MAGI2: variants seen among roughly 807,000 people sequenced by gnomAD.
MAGI2 encodes the protein membrane associated guanylate kinase, WW and PDZ domain containing 2.
A neutral mutation model predicts 133.3 loss-of-function variants in MAGI2; 35 were observed. The observed-to-expected ratio is 0.26, with a 90% CI of 0.20 to 0.35. The LOEUF (loss-of-function observed/expected upper bound fraction) is 0.35. MAGI2 is among the 10% of genes least tolerant of loss of function. The pLI, the probability that MAGI2 is intolerant of heterozygous loss-of-function variation, is 1.00. For missense variants in MAGI2, 1,636 were observed against 1,863.4 expected, an observed-to-expected ratio of 0.88 and a Z score of 2.25; for synonymous variants, 729 against 710.6, an observed-to-expected ratio of 1.03 and a Z score of -0.41.
At chr7:78,609,403 CA>C (rs1235084339) in intron 3 of MAGI2, among the ~76,000 whole-genome samples, 1 of 152,122 alleles carries the variant, frequency 6.6e-6, no homozygotes, top group Non-Finnish European at 1.5e-5. Flanking sequence ...ATCCCCAACC[CA>C]AATACTATTA....
intron 2 of MAGI2, among the ~76,000 whole-genome samples, chr7:78,634,387 T>G (rs753756546): frequency 9.9e-5 from 15 of 152,202 alleles, no homozygotes; most frequent in Non-Finnish European, 2.1e-4. Context: ...GCATAGCACC[T>G]ACAAGAGTCA....
chr7:78,363,770 T>A (rs1793092431), intron 7 of MAGI2, among the ~76,000 whole-genome samples: 1 of 152,116 alleles, frequency 6.6e-6, no homozygotes, highest in South Asian at 2.1e-4. Context: ...CTATGTTAAG[T>A]GCTAAATACC....
At chr7:79,423,054 G>C (rs571345790) in intron 1 of MAGI2, among the ~76,000 whole-genome samples, 5 of 152,004 alleles carry the variant, frequency 3.3e-5, no homozygotes, top group African/African-American at 1.2e-4. Flanking sequence ...TTACATGGCT[G>C]CCCAATTAAA....
chr7:78,837,684 A>G (rs1478168141), intron 2 of MAGI2, among the ~76,000 whole-genome samples: 1 of 152,200 alleles, frequency 6.6e-6, no homozygotes, highest in Admixed American at 6.6e-5. Flanking sequence ...AATATTTTAA[A>G]TGTAAAACGC....
At chr7:78,962,825 A>G (rs1213211616) in intron 2 of MAGI2, among the ~76,000 whole-genome samples, 1 of 95,886 alleles carries the variant, frequency 1.0e-5, no homozygotes, top group Non-Finnish European at 2.1e-5. Context: ...CTTTGTTCTA[A>G]TTATCAAATT....
At chr7:78,309,604 C>G (rs543654488) in intron 9 of MAGI2, among the ~76,000 whole-genome samples, 1 of 150,688 alleles carries the variant, frequency 6.6e-6, no homozygotes, top group Non-Finnish European at 1.5e-5. Flanking sequence ...AATCATATAC[C>G]CCAAACGTCA....
At chr7:78,458,780 G>A (rs901148878) in intron 6 of MAGI2, among the ~76,000 whole-genome samples, 34 of 151,968 alleles carry the variant, frequency 2.2e-4, no homozygotes, top group African/African-American at 7.2e-4. Flanking sequence ...GACTACAGGC[G>A]CCCACCACCA....
intron 6 of MAGI2, among the ~76,000 whole-genome samples, chr7:78,407,484 C>G (rs1010299801): frequency 6.6e-6 from 1 of 151,870 alleles, no homozygotes; most frequent in Non-Finnish European, 1.5e-5. Flanking sequence ...ATGGATCTCA[C>G]AATATTACAG....
chr7:79,064,597 C>T (rs968654674), intron 1 of MAGI2, among the ~76,000 whole-genome samples: 1 of 152,086 alleles, frequency 6.6e-6, no homozygotes, highest in African/African-American at 2.4e-5. Flanking sequence ...CCCTACAAGT[C>T]TGTGCATAAC....
At chr7:78,955,649 C>A (rs1352814284) in intron 2 of MAGI2, among the ~76,000 whole-genome samples, 1 of 149,196 alleles carries the variant, frequency 6.7e-6, no homozygotes, top group Non-Finnish European at 1.5e-5. Context: ...TTTTCTCTCT[C>A]TCTCTCCCTT....
chr7:79,329,841 G>T (rs1839938708), intron 1 of MAGI2, among the ~76,000 whole-genome samples: 1 of 152,126 alleles, frequency 6.6e-6, no homozygotes, highest in Admixed American at 6.6e-5. Context: ...ATAATAAACA[G>T]CAATCTAGCA....
chr7:79,103,860 T>C (rs1006798505), intron 1 of MAGI2, among the ~76,000 whole-genome samples: 3 of 79,526 alleles, frequency 3.8e-5, no homozygotes, highest in Admixed American at 1.1e-4. Flanking sequence ...CCACCACACC[T>C]GGCTAATTTT....
chr7:78,780,955 G>A (rs1826347407), intron 2 of MAGI2, among the ~76,000 whole-genome samples: 1 of 152,214 alleles, frequency 6.6e-6, no homozygotes, highest in African/African-American at 2.4e-5. Context: ...AAGCAATGGA[G>A]TTGTCATTTG....
intron 9 of MAGI2, among the ~76,000 whole-genome samples, chr7:78,272,161 T>C (rs1794643688): frequency 1.3e-5 from 2 of 152,256 alleles, no homozygotes; most frequent in Admixed American, 6.5e-5. Flanking sequence ...TCTCATTGGT[T>C]TCAAAGAACA....
At position 78,529,668 on chromosome 7, in the gene MAGI2, G is replaced by GTTTTTTTTTTTTTTTTTT. The variant is rs554010061; in HGVS notation, c.539-8041_539-8024dup. On this transcript the variant is annotated intron_variant, in intron 3 of 21. Coordinates refer to ENST00000354212, the MANE Select transcript of MAGI2 (RefSeq NM_012301.4). ...TTTCTTTTCCTTGCTAAAGGAGATG[G>GTTTTTTTTTTTTTTTTTT]TTTTTTTTTTTTTTTTTTTTTTTTT... Among the ~76,000 whole-genome samples the GTTTTTTTTTTTTTTTTTT allele has an allele frequency of 1.8e-3, 106 of 57,408 alleles. 21 individuals carry two copies. The highest frequency in any genetic ancestry group is 2.4e-3 in the African/African-American group (44 of 18,072). The allele number at this position is 57,408 out of a possible 152,430, so 37.7% of individuals were successfully genotyped here. A position where few individuals can be genotyped will look rare whatever the true frequency, so the allele number is the denominator to read the frequency against.
intron 2 of MAGI2, among the ~76,000 whole-genome samples, chr7:78,656,615 G>A (rs956630743): frequency 6.6e-6 from 1 of 152,092 alleles, no homozygotes; most frequent in African/African-American, 2.4e-5. Context: ...CTAATGTACA[G>A]CATGAGAACT....
At chr7:79,289,857 A>G (rs1367284368) in intron 1 of MAGI2, among the ~76,000 whole-genome samples, 2 of 152,094 alleles carry the variant, frequency 1.3e-5, no homozygotes, top group Non-Finnish European at 2.9e-5. Context: ...TATAATTAAT[A>G]TCTGTCTTAG....
At chr7:78,573,219 TATATATAAATATAA>T (rs1801765754) in intron 3 of MAGI2, among the ~76,000 whole-genome samples, 1 of 78,142 alleles carries the variant, frequency 1.3e-5, no homozygotes, top group African/African-American at 6.3e-5. Context: ...TATATATAAA[TATATATAAATATAA>T]ATATATATAT....
chr7:78,258,148 TTTCCATAATGTCTATCA>T (rs1793172588), intron 9 of MAGI2, among the ~76,000 whole-genome samples: 1 of 152,176 alleles, frequency 6.6e-6, no homozygotes, highest in African/African-American at 2.4e-5. Context: ...GAACTTCACT[TTTCCATAATGTCTATCA>T]GAGAGGGTAC....
Sources: gnomAD v4.1 joint callset for allele counts (sites outside exome capture counted in the v4.1 genomes callset) on GRCh38, gnomAD v4.1.1 for gene constraint, MANE v1.5 for transcripts, NCBI Gene and HGNC (gene_info 2026-07-23, HGNC 2026-07-21) for gene names.